Variants in SGCZ observed in about 807,000 individuals in gnomAD.
The protein encoded by SGCZ is zeta-sarcoglycan.
A neutral mutation model predicts 41.3 loss-of-function variants in SGCZ; 40 were observed. The observed-to-expected ratio is 0.97, with a 90% CI of 0.75 to 1.26. SGCZ has a LOEUF of 1.26. Among genes scored for constraint, SGCZ ranks in the 50% most tolerant of loss-of-function variants. SGCZ has a pLI of 0.00. For missense variants in SGCZ, 552 were observed against 369.8 expected (o/e 1.49, Z -4.04); for synonymous variants, 206 against 137.5 (o/e 1.50, Z -3.49).
intron 2 of SGCZ, among the ~76,000 whole-genome samples, chr8:14,470,903 C>G (rs992812749): frequency 1.4e-4 from 21 of 152,084 alleles, no homozygotes; most frequent in East Asian, 9.6e-4. Flanking sequence ...GTCGTGTTAA[C>G]AATTTTACTT....
At chr8:14,101,793 C>T (rs1186418835) in intron 7 of SGCZ, among the ~76,000 whole-genome samples, 1 of 150,598 alleles carries the variant, frequency 6.6e-6, no homozygotes, top group African/African-American at 2.4e-5. Context: ...AAAAAAAGGA[C>T]TGTCGTTATT....
chr8:14,581,323 T>C (rs1354972840), intron 1 of SGCZ, among the ~76,000 whole-genome samples: 1 of 152,106 alleles, frequency 6.6e-6, no homozygotes, highest in East Asian at 1.9e-4. Flanking sequence ...GCCAGGCTGG[T>C]CTCGACCTCC....
At chr8:14,282,378 A>G (rs937898657) in intron 3 of SGCZ, among the ~76,000 whole-genome samples, 2 of 151,604 alleles carry the variant, frequency 1.3e-5, no homozygotes, top group African/African-American at 4.8e-5. Context: ...CTTATCACCA[A>G]TTTATTCTAT....
At chr8:14,786,682 T>A (rs1800776086) in intron 1 of SGCZ, among the ~76,000 whole-genome samples, 1 of 152,022 alleles carries the variant, frequency 6.6e-6, no homozygotes, top group Non-Finnish European at 1.5e-5. Flanking sequence ...AGAAAGTCTA[T>A]GGAGTTTAAT....
intron 1 of SGCZ, among the ~76,000 whole-genome samples, chr8:15,020,033 T>G (rs1803192464): frequency 6.6e-6 from 1 of 151,816 alleles, no homozygotes; most frequent in Non-Finnish European, 1.5e-5. Context: ...TTATGAGCAT[T>G]TAGCGCACGA....
chr8:15,073,464 T>C (rs995958902), intron 1 of SGCZ, among the ~76,000 whole-genome samples: 10 of 152,172 alleles, frequency 6.6e-5, no homozygotes, highest in African/African-American at 2.4e-4. Context: ...GTCATGATGC[T>C]TACATTTATG....
chr8:14,596,321 G>A (rs1219081992), intron 1 of SGCZ, among the ~76,000 whole-genome samples: 1 of 152,120 alleles, frequency 6.6e-6, no homozygotes, highest in Non-Finnish European at 1.5e-5. Context: ...TAATACCATA[G>A]ATGATGTCTC....
intron 1 of SGCZ, among the ~76,000 whole-genome samples, chr8:14,893,638 C>T (rs1805099280): frequency 6.6e-6 from 1 of 152,156 alleles, no homozygotes; most frequent in Admixed American, 6.5e-5. Context: ...ATAATGCTGT[C>T]ATTTATCAGG....
chr8:14,888,625 A>G (rs1312192209), intron 1 of SGCZ, among the ~76,000 whole-genome samples: 1 of 152,192 alleles, frequency 6.6e-6, no homozygotes, highest in East Asian at 1.9e-4. Context: ...AGATCCAAAG[A>G]AAATATTGAC....
chr8:14,485,193 A>G (rs1455239247), intron 2 of SGCZ, among the ~76,000 whole-genome samples: 1 of 152,206 alleles, frequency 6.6e-6, no homozygotes, highest in Non-Finnish European at 1.5e-5. Context: ...ACTAAAAACT[A>G]CATTTCCTAT....
intron 2 of SGCZ, among the ~76,000 whole-genome samples, chr8:14,445,413 G>C (rs1175025410): frequency 1.3e-5 from 2 of 152,142 alleles, no homozygotes; most frequent in Non-Finnish European, 2.9e-5. Context: ...AGAGGGAAGA[G>C]ACAGCTTGAC....
intron 2 of SGCZ, among the ~76,000 whole-genome samples, chr8:14,485,288 A>G (rs1483822849): frequency 1.3e-5 from 2 of 152,068 alleles, no homozygotes; most frequent in Non-Finnish European, 2.9e-5. Context: ...CCCCGCTGGA[A>G]TGCAGTGGCA....
intron 1 of SGCZ, among the ~76,000 whole-genome samples, chr8:14,633,971 C>G (rs1294549104): frequency 1.3e-5 from 2 of 151,858 alleles, no homozygotes; most frequent in African/African-American, 4.8e-5. Context: ...TCCTTCTGCA[C>G]TTGGTTGAGA....
intron 2 of SGCZ, among the ~76,000 whole-genome samples, chr8:14,387,980 C>A (rs1022034940): frequency 1.3e-5 from 2 of 152,106 alleles, no homozygotes; most frequent in Admixed American, 6.6e-5. Flanking sequence ...ATCTGTAGAA[C>A]CTTGTGATTA....
chr8:14,599,165 G>C (rs557278069), intron 1 of SGCZ, among the ~76,000 whole-genome samples: 2 of 152,168 alleles, frequency 1.3e-5, no homozygotes, highest in East Asian at 3.9e-4. Flanking sequence ...TTTGACCTCT[G>C]TCTCTTATCT....
intron 1 of SGCZ, among the ~76,000 whole-genome samples, chr8:14,630,991 G>T (rs1175178930): frequency 6.6e-6 from 1 of 151,904 alleles, no homozygotes; most frequent in Admixed American, 6.6e-5. Flanking sequence ...TGCACGTTGT[G>T]CACATGTAGC....
intron 2 of SGCZ, among the ~76,000 whole-genome samples, chr8:14,373,541 G>C (rs1803988882): frequency 6.6e-6 from 1 of 152,116 alleles, no homozygotes; most frequent in African/African-American, 2.4e-5. Context: ...CAATCAGGTA[G>C]AACTAGTGAT....
At chr8:15,209,383 G>T (rs1801168658) in intron 1 of SGCZ, among the ~76,000 whole-genome samples, 1 of 134,768 alleles carries the variant, frequency 7.4e-6, no homozygotes, top group Non-Finnish European at 1.6e-5. Flanking sequence ...AAAGACCCAT[G>T]CTCAATTTTC....
chr8:15,180,404 T>G (rs1418992764), intron 1 of SGCZ, among the ~76,000 whole-genome samples: 1 of 152,198 alleles, frequency 6.6e-6, no homozygotes, highest in Non-Finnish European at 1.5e-5. Context: ...ACTTGCCATA[T>G]TACATATTTT....
Sources: gnomAD v4.1 joint callset for allele counts (sites outside exome capture counted in the v4.1 genomes callset) on GRCh38, gnomAD v4.1.1 for gene constraint, MANE v1.5 for transcripts, NCBI Gene and HGNC (gene_info 2026-07-23, HGNC 2026-07-21) for gene names.